Variants in EPHB2 observed in about 807,000 individuals in gnomAD.
EPHB2 encodes EPH receptor B2.
A neutral mutation model predicts 96.4 loss-of-function variants in EPHB2; 18 were observed. That is an observed-to-expected ratio of 0.19 (90% CI 0.13 to 0.28). EPHB2 has a LOEUF of 0.28. EPHB2 is among the 10% of genes least tolerant of loss of function. The pLI, the probability that EPHB2 is intolerant of heterozygous loss-of-function variation, is 1.00. For synonymous variants in EPHB2, 506 were observed against 534.1 expected (o/e 0.95, Z 0.72); for missense variants, 989 against 1,355.4 (o/e 0.73, Z 4.25).
chr1:22,797,411 G>A (rs1644782294), intron 3 of EPHB2, among the ~76,000 whole-genome samples: 2 of 151,994 alleles, frequency 1.3e-5, no homozygotes, highest in Admixed American at 1.3e-4. Context: ...TGGCTCCCAG[G>A]GTCCCACCCC....
At chr1:22,882,577 A>G in intron 6 of EPHB2, 94 bp downstream of exon 6, 1 of 1,581,904 alleles carries the variant, frequency 6.3e-7, no homozygotes, top group Non-Finnish European at 8.6e-7. Flanking sequence ...CCGCAAGATG[A>G]GACGCACTGG....
chr1:22,871,942 G>C (rs753088905), intron 5 of EPHB2, among the ~76,000 whole-genome samples: 3 of 152,086 alleles, frequency 2.0e-5, no homozygotes, highest in Non-Finnish European at 4.4e-5. Flanking sequence ...CTTGAACCCA[G>C]GAGGCGGAGG....
chr1:22,823,347 A>G (rs958634605), intron 3 of EPHB2, among the ~76,000 whole-genome samples: 1 of 152,228 alleles, frequency 6.6e-6, no homozygotes, highest in South Asian at 2.1e-4. Flanking sequence ...TATAATGTAT[A>G]GAACACTGGG....
intron 3 of EPHB2, among the ~76,000 whole-genome samples, chr1:22,818,263 C>T (rs966615746): frequency 1.3e-5 from 2 of 152,134 alleles, no homozygotes; most frequent in African/African-American, 4.8e-5. Context: ...GAGTCATCCT[C>T]CAGCCCTCCC....
intron 1 of EPHB2, among the ~76,000 whole-genome samples, chr1:22,726,424 CTTTTT>C (rs772724033): frequency 2.2e-5 from 2 of 91,172 alleles, no homozygotes; most frequent in Admixed American, 2.3e-4. Flanking sequence ...CTTTTTTTTT[CTTTTT>C]TTTTTTTATG....
At chr1:22,714,726 G>A (rs1643247426) in intron 1 of EPHB2, among the ~76,000 whole-genome samples, 1 of 152,206 alleles carries the variant, frequency 6.6e-6, no homozygotes. Flanking sequence ...GCCAGATCTG[G>A]TCCTGGACAG....
chr1:22,812,962 T>C (rs533783775), intron 3 of EPHB2, among the ~76,000 whole-genome samples: 1 of 152,292 alleles, frequency 6.6e-6, no homozygotes, highest in South Asian at 2.1e-4. Flanking sequence ...CTGTGTCTTG[T>C]ATTTTTCTTC....
intron 1 of EPHB2, among the ~76,000 whole-genome samples, chr1:22,712,776 G>A (rs1643187983): frequency 6.6e-6 from 1 of 152,204 alleles, no homozygotes; most frequent in African/African-American, 2.4e-5. Flanking sequence ...TATGGCTGAG[G>A]TACCACTTAT....
chr1:22,911,624 C>T (rs888392811), intron 14 of EPHB2, among the ~76,000 whole-genome samples: 6 of 152,164 alleles, frequency 3.9e-5, no homozygotes, highest in Admixed American at 6.5e-5. Flanking sequence ...CCTTGGGTGG[C>T]TGTCACAGGT....
intron 1 of EPHB2, among the ~76,000 whole-genome samples, chr1:22,718,770 G>A (rs984957700): frequency 2.6e-5 from 4 of 152,128 alleles, no homozygotes; most frequent in African/African-American, 2.4e-5. Context: ...CCCACAGGTC[G>A]TTGTATTATT....
chr1:22,784,907 T>C lies in EPHB2; in HGVS notation c.642T>C (p.Ala214=). 6.2e-7 allele frequency: 1 copy of C among 1,613,988 alleles called. No individual in the cohort carries two copies. The highest frequency in any genetic ancestry group is 1.1e-5 in the South Asian group (1 of 91,086). The change falls in exon 3 of 16, where the codon GCT becomes GCC. Residue 214 remains alanine (A), a synonymous_variant. Transcript: ENST00000374630. This position sits in a 1 kb window ranked among gnomAD's most constrained non-coding sequence, Gnocchi z 5.1. The part of the protein sequence containing the change: ...GAIFQETLSG[A]ESTSLVAARG... The stretch of plus-strand genomic sequence containing the variant: ...TCTTCCAGGAAACCCTGTCGGGGGC[T>C]GAGAGCACATCGCTGGTGGCTGCCC...
intron 1 of EPHB2, among the ~76,000 whole-genome samples, chr1:22,766,442 C>T (rs79231841): frequency 0.041 from 6,298 of 152,330 alleles, 234 homozygotes; most frequent in East Asian, 0.16. Context: ...TGTTCTCAGT[C>T]GTGTTGGCCT....
At chr1:22,852,671 T>C (rs1020731625) in intron 3 of EPHB2, among the ~76,000 whole-genome samples, 15 of 152,180 alleles carry the variant, frequency 9.9e-5, no homozygotes, top group African/African-American at 3.4e-4. Context: ...ACTGTGGGGT[T>C]CAGTGTCTGG....
chr1:22,882,322 T>C lies in EPHB2; in HGVS notation c.1304-37T>C, dbSNP rs1639075001. 3.7e-6 allele frequency: 6 copies of C among 1,611,426 alleles called. No individual in the cohort carries two copies. The East Asian group carries it at 1.1e-4, about 30-fold the overall frequency. On this transcript the variant is annotated intron_variant, in intron 5 of 15. Transcript: ENST00000374630. ...GTGGGCCAGAAGCTGCACCTTCTCA[T>C]GCCTCCCTGATCCCTGACCTCTGGC...
At chr1:22,853,900 T>A (rs1570389215) in intron 3 of EPHB2, among the ~76,000 whole-genome samples, 1 of 152,186 alleles carries the variant, frequency 6.6e-6, no homozygotes, top group African/African-American at 2.4e-5. Flanking sequence ...GAGGCCTGGG[T>A]GCCCCCTTGG....
At chr1:22,855,913 G>C (rs1271995426) in intron 3 of EPHB2, among the ~76,000 whole-genome samples, 1 of 152,184 alleles carries the variant, frequency 6.6e-6, no homozygotes, top group Non-Finnish European at 1.5e-5. Flanking sequence ...CCATGCCCAG[G>C]TTCAATTTCA....
chr1:22,879,820 C>T (rs1638973689), intron 5 of EPHB2, among the ~76,000 whole-genome samples: 1 of 152,254 alleles, frequency 6.6e-6, no homozygotes, highest in South Asian at 2.1e-4. Flanking sequence ...GACCCCTGAT[C>T]CCAAGAGGCC....
At chr1:22,722,896 A>C (rs1237852564) in intron 1 of EPHB2, among the ~76,000 whole-genome samples, 1 of 152,320 alleles carries the variant, frequency 6.6e-6, no homozygotes, top group East Asian at 1.9e-4. Flanking sequence ...AGCCAGGTGA[A>C]GAAGCAGCAA....
chr1:22,869,431 G>A (rs1570413995), intron 5 of EPHB2, among the ~76,000 whole-genome samples: 1 of 152,122 alleles, frequency 6.6e-6, no homozygotes. Context: ...GGGCCCAAGA[G>A]GTGCTGGGGG....
Sources: allele counts gnomAD v4.1 joint callset (sites outside exome capture counted in the v4.1 genomes callset), GRCh38; gene constraint gnomAD v4.1.1; non-coding constraint Gnocchi (gnomAD v3.1); transcripts MANE v1.5; gene names NCBI Gene and HGNC (gene_info 2026-07-23, HGNC 2026-07-21).